Variants in PXDNL observed in about 807,000 individuals in gnomAD.
PXDNL encodes the protein peroxidasin like, also known as probable oxidoreductase PXDNL.
A neutral mutation model predicts 150.8 loss-of-function variants in PXDNL; 145 were observed. The ratio of observed to expected loss-of-function variants is 0.96; its 90% CI spans 0.84 to 1.10. PXDNL has a LOEUF of 1.10. PXDNL is among the 50% of genes least tolerant of loss of function. The pLI is 0.00. For synonymous variants in PXDNL, 757 were observed against 725.7 expected (o/e 1.04, Z -0.69); for missense variants, 2,087 against 1,873.9 (o/e 1.11, Z -2.10).
At chr8:51,620,119 C>G (rs78472036) in intron 2 of PXDNL, among the ~76,000 whole-genome samples, 2,701 of 152,144 alleles carry the variant, frequency 0.018, 92 homozygotes, top group African/African-American at 0.062. Context: ...TTGTGAAAAC[C>G]TAGTTTTAAA....
intron 3 of PXDNL, among the ~76,000 whole-genome samples, chr8:51,570,420 T>C (rs1812909654): frequency 6.6e-6 from 1 of 151,996 alleles, no homozygotes; most frequent in African/African-American, 2.4e-5. Context: ...AGTTTGTTTG[T>C]GTTTTTATTT....
At chr8:51,376,004 C>T (rs1413047652) in intron 17 of PXDNL, among the ~76,000 whole-genome samples, 1 of 152,192 alleles carries the variant, frequency 6.6e-6, no homozygotes, top group Admixed American at 6.5e-5. Context: ...CTCTAGATTA[C>T]GTTGTGCAAG....
chr8:51,579,864 C>T (rs956320173), intron 3 of PXDNL, among the ~76,000 whole-genome samples: 1 of 151,878 alleles, frequency 6.6e-6, no homozygotes, highest in South Asian at 2.1e-4. Context: ...TGAAAAAAGG[C>T]TTTTTGTCCT....
chr8:51,608,698 G>C (rs539351948), intron 2 of PXDNL, among the ~76,000 whole-genome samples: 2 of 151,268 alleles, frequency 1.3e-5, no homozygotes, highest in Non-Finnish European at 2.9e-5. Context: ...TTAGCCGGGC[G>C]TGGTGGTGGG....
chr8:51,400,461 C>G (rs1041481981), intron 17 of PXDNL, among the ~76,000 whole-genome samples: 56 of 151,960 alleles, frequency 3.7e-4, no homozygotes, highest in African/African-American at 1.3e-3. Context: ...AAACGCGTTA[C>G]TAAGACTCAC....
At chr8:51,536,624 A>AT (rs1812084053) in intron 4 of PXDNL, among the ~76,000 whole-genome samples, 1 of 121,162 alleles carries the variant, frequency 8.3e-6, no homozygotes, top group African/African-American at 4.1e-5. Flanking sequence ...CAAGTCTTTC[A>AT]GTTTTTTTTT....
intron 1 of PXDNL, among the ~76,000 whole-genome samples, chr8:51,786,156 T>C (rs771061705): frequency 3.3e-5 from 5 of 152,216 alleles, no homozygotes; most frequent in Non-Finnish European, 7.4e-5. Context: ...TAACTTCATA[T>C]ACTGAAAGAG....
chr8:51,509,125 T>C (rs1811354141), intron 4 of PXDNL, among the ~76,000 whole-genome samples: 1 of 152,202 alleles, frequency 6.6e-6, no homozygotes, highest in South Asian at 2.1e-4. Flanking sequence ...TAGTAGATTT[T>C]AGATGCTCTC....
At chr8:51,649,579 A>G (rs374458963) in intron 2 of PXDNL, among the ~76,000 whole-genome samples, 3 of 152,176 alleles carry the variant, frequency 2.0e-5, no homozygotes, top group South Asian at 2.1e-4. Flanking sequence ...CACTTCACAC[A>G]TAACATGTTT....
chr8:51,664,754 T>G (rs547279650), intron 1 of PXDNL, among the ~76,000 whole-genome samples: 64 of 152,172 alleles, frequency 4.2e-4, no homozygotes, highest in African/African-American at 1.5e-3. Flanking sequence ...TGAGATGCGC[T>G]CCCAGGTGCC....
At chr8:51,603,831 T>A (rs1425533182) in intron 2 of PXDNL, among the ~76,000 whole-genome samples, 2 of 152,074 alleles carry the variant, frequency 1.3e-5, no homozygotes, top group East Asian at 3.9e-4. Flanking sequence ...AGAGAAAAAA[T>A]TGTAAAGAAA....
chr8:51,476,863 G>A (rs1397225632), intron 6 of PXDNL, among the ~76,000 whole-genome samples: 1 of 152,102 alleles, frequency 6.6e-6, no homozygotes, highest in Non-Finnish European at 1.5e-5. Flanking sequence ...GTGACTGGAG[G>A]AGAATACAAA....
At chr8:51,363,144 A>T (rs962544141) in intron 19 of PXDNL, among the ~76,000 whole-genome samples, 1 of 152,156 alleles carries the variant, frequency 6.6e-6, no homozygotes, top group Admixed American at 6.5e-5. Flanking sequence ...TCCTCCAGGC[A>T]TCCTCCTCAC....
chr8:51,482,133 T>C (rs868843935), intron 6 of PXDNL, among the ~76,000 whole-genome samples: 38 of 152,290 alleles, frequency 2.5e-4, no homozygotes, highest in Middle Eastern at 3.4e-3. Flanking sequence ...AGCTGTGCCC[T>C]GCAAAGCCAC....
At chr8:51,442,298 T>C (rs1809569351) in intron 12 of PXDNL, among the ~76,000 whole-genome samples, 1 of 149,660 alleles carries the variant, frequency 6.7e-6, no homozygotes, top group East Asian at 1.9e-4. Flanking sequence ...CAGTATCTAG[T>C]ATGATTAGCC....
intron 21 of PXDNL, among the ~76,000 whole-genome samples, chr8:51,330,778 T>C (rs1805654769): frequency 6.6e-6 from 1 of 152,140 alleles, no homozygotes; most frequent in Non-Finnish European, 1.5e-5. Flanking sequence ...ATTCACCCCA[T>C]TGCAATAGCC....
chr8:51,511,825 A>T (rs1811427187), intron 4 of PXDNL, among the ~76,000 whole-genome samples: 1 of 152,200 alleles, frequency 6.6e-6, no homozygotes, highest in African/African-American at 2.4e-5. Context: ...AGTAGGCTTG[A>T]GAAGAAATGT....
intron 1 of PXDNL, among the ~76,000 whole-genome samples, chr8:51,750,451 C>T (rs543386811): frequency 1.3e-5 from 2 of 152,210 alleles, no homozygotes; most frequent in Non-Finnish European, 1.5e-5. Context: ...CAGACACCTG[C>T]GTAATGCATT....
chr8:51,365,187 C>T (rs1179438274), intron 19 of PXDNL, among the ~76,000 whole-genome samples: 3 of 152,188 alleles, frequency 2.0e-5, no homozygotes, highest in Non-Finnish European at 4.4e-5. Flanking sequence ...ATCTGCCCAC[C>T]TCGGCCTCCC....
Sources: allele counts gnomAD v4.1 joint callset (sites outside exome capture counted in the v4.1 genomes callset), GRCh38; gene constraint gnomAD v4.1.1; transcripts MANE v1.5; gene names NCBI Gene and HGNC (gene_info 2026-07-23, HGNC 2026-07-21).